Variants in SLC44A5 observed in about 807,000 individuals in gnomAD.
The protein encoded by SLC44A5 is choline transporter-like protein 5.
In SLC44A5, 57 loss-of-function variants were observed where a neutral mutation model predicts 101.8. The observed-to-expected ratio is 0.56, with a 90% CI of 0.45 to 0.70. SLC44A5 has a LOEUF of 0.70. Ranked by LOEUF, SLC44A5 falls within the 30% of genes least tolerant of loss-of-function variation. SLC44A5 has a pLI of 0.00. For synonymous variants in SLC44A5, 281 were observed against 290.9 expected, an observed-to-expected ratio of 0.97 and a Z score of 0.35; for missense variants, 737 against 853.1, an observed-to-expected ratio of 0.86 and a Z score of 1.70.
At chr1:75,354,458 C>T (rs1298872555) in intron 3 of SLC44A5, among the ~76,000 whole-genome samples, 1 of 152,210 alleles carries the variant, frequency 6.6e-6, no homozygotes, top group Non-Finnish European at 1.5e-5. Flanking sequence ...CCATATGTTT[C>T]TCATTCACTT....
intron 3 of SLC44A5, among the ~76,000 whole-genome samples, chr1:75,391,533 C>A (rs1249825): frequency 0.63 from 95,562 of 151,402 alleles, 31,772 homozygotes; most frequent in East Asian, 0.96. Flanking sequence ...CGTATAGACC[C>A]ATGGAATAGA....
rs1201412676 is a variant in SLC44A5, at chr1:75,392,004, A to G, written c.52+4579T>C. On this transcript the variant is annotated intron_variant, in intron 3 of 23. Coordinates refer to ENST00000370859, the MANE Select transcript of SLC44A5 (RefSeq NM_001130058.2). ...CCCCCATCTCTACAAAAAGCATAGA[A>G]ATTAGCCAGGCATCGTGGCACATAG... 2.0e-5 allele frequency among the ~76,000 whole-genome samples: 3 copies of G among 152,122 alleles called. No individual in the cohort carries two copies. The East Asian group carries it at 5.8e-4, about 29-fold the overall frequency.
intron 2 of SLC44A5, among the ~76,000 whole-genome samples, chr1:75,537,543 A>G (rs1671122217): frequency 6.6e-6 from 1 of 152,236 alleles, no homozygotes; most frequent in African/African-American, 2.4e-5. Flanking sequence ...TGTTTGATGC[A>G]TCTAAGAGAA....
At chr1:75,203,940 GTTT>G in intron 23 of SLC44A5, 107 bp from the exon 24 acceptor site, 1 of 1,079,470 alleles carries the variant, frequency 9.3e-7, no homozygotes, top group Non-Finnish European at 1.2e-6. Context: ...TCCTTTTGTT[GTTT>G]TTTTTTTGTT....
Position 75,215,760 on chromosome 1 carries a change from A to G in SLC44A5, c.1722T>C (p.Tyr574=), listed in dbSNP as rs1314014418. Residue 574 remains tyrosine, a synonymous_variant, in exon 19 of 24, where the codon TAT becomes TAC. Coordinates refer to ENST00000370859, the MANE Select transcript of SLC44A5 (RefSeq NM_001130058.2). Reference sequence around the variant, plus strand: ...AATAAAATAATCTACCTACCATAATATAGGCATTTCTGTTTAAAAACTTTA... The same window carrying G: ...AATAAAATAATCTACCTACCATAATGTAGGCATTTCTGTTTAAAAACTTTA... ...NAIKFLNRNA[Y]IMIAIYGRNF... is the part of the protein sequence containing the mutation. The G allele has an allele frequency of 1.3e-6, 2 of 1,573,142 alleles. No individual in the cohort carries two copies. The highest frequency in any genetic ancestry group is 8.7e-7 in the Non-Finnish European group (1 of 1,143,556).
chr1:75,386,472 G>T (rs2101305911), intron 3 of SLC44A5, among the ~76,000 whole-genome samples: 1 of 152,216 alleles, frequency 6.6e-6, no homozygotes, highest in East Asian at 1.9e-4. Context: ...GCTTCAAAGA[G>T]AATAAAATAC....
chr1:75,371,074 A>G (rs1219740920), intron 3 of SLC44A5, among the ~76,000 whole-genome samples: 33 of 152,168 alleles, frequency 2.2e-4, no homozygotes, highest in Admixed American at 2.2e-3. Context: ...TACAAAGCAA[A>G]TAAAGGGGCT....
At chr1:75,373,804 C>G (rs895460287) in intron 3 of SLC44A5, among the ~76,000 whole-genome samples, 20 of 152,144 alleles carry the variant, frequency 1.3e-4, no homozygotes, top group African/African-American at 4.8e-4. Context: ...TCCCCCAGCA[C>G]AGCTGGCACT....
At chr1:75,596,820 A>G (rs1024233327) in intron 1 of SLC44A5, among the ~76,000 whole-genome samples, 4 of 152,178 alleles carry the variant, frequency 2.6e-5, no homozygotes, top group Admixed American at 2.6e-4. Flanking sequence ...AGAGCCATAT[A>G]CAACAAACCC....
At chr1:75,619,078 A>AG in the SLC44A5 span, among the ~76,000 whole-genome samples, 4 of 10,182 alleles carry the variant, frequency 3.9e-4, no homozygotes, top group African/African-American at 5.5e-4. Context: ...CTCAAAAAAA[A>AG]AGGGGGGGGG....
chr1:75,603,753 G>T (rs201461267), intron 1 of SLC44A5, among the ~76,000 whole-genome samples: 475 of 54,052 alleles, frequency 8.8e-3, no homozygotes, highest in Middle Eastern at 0.021. Context: ...ATTTTTTCAT[G>T]TTTTTTTTTT....
intron 2 of SLC44A5, among the ~76,000 whole-genome samples, chr1:75,408,346 A>G (rs1477757609): frequency 6.6e-6 from 1 of 152,344 alleles, no homozygotes; most frequent in East Asian, 1.9e-4. Context: ...AATTTGACCC[A>G]GCAATCCTAT....
intron 12 of SLC44A5, among the ~76,000 whole-genome samples, chr1:75,231,523 T>TA (rs1261866941): frequency 6.6e-5 from 10 of 152,146 alleles, no homozygotes; most frequent in African/African-American, 2.2e-4. Flanking sequence ...CCTAGATTTT[T>TA]AAAAATTATG....
intron 2 of SLC44A5, among the ~76,000 whole-genome samples, chr1:75,411,699 G>C (rs1005171937): frequency 2.0e-5 from 3 of 152,080 alleles, no homozygotes; most frequent in Non-Finnish European, 2.9e-5. Flanking sequence ...AGGGATTGGG[G>C]ATAATGGTAA....
chr1:75,359,837 T>A (rs1315099382), intron 3 of SLC44A5, among the ~76,000 whole-genome samples: 3 of 152,190 alleles, frequency 2.0e-5, no homozygotes, highest in Admixed American at 2.0e-4. Context: ...ACACTTGTTA[T>A]CTTTCATATT....
chr1:75,532,940 T>C (rs1460971405), intron 2 of SLC44A5, among the ~76,000 whole-genome samples: 2 of 152,250 alleles, frequency 1.3e-5, no homozygotes, highest in East Asian at 1.9e-4. Context: ...CTATTATTGA[T>C]ATTTATCTTA....
intron 13 of SLC44A5, among the ~76,000 whole-genome samples, chr1:75,225,918 T>TG (rs1647184943): frequency 6.6e-6 from 1 of 151,924 alleles, no homozygotes; most frequent in African/African-American, 2.4e-5. Context: ...CAGCCGGGGG[T>TG]GGGCACAGAA....
intron 22 of SLC44A5, 130 bp downstream of exon 22, chr1:75,213,575 T>C: frequency 2.9e-6 from 2 of 681,016 alleles, no homozygotes; most frequent in South Asian, 3.7e-5. Context: ...AGAAATCAAG[T>C]TGGCTGACAC....
the SLC44A5 span, among the ~76,000 whole-genome samples, chr1:75,659,541 C>G: frequency 7.7e-6 from 1 of 130,510 alleles, no homozygotes; most frequent in African/African-American, 3.0e-5. Context: ...AAAACTAGGC[C>G]AGGCACTTTG....
Sources: gnomAD v4.1 joint callset for allele counts (sites outside exome capture counted in the v4.1 genomes callset) on GRCh38, gnomAD v4.1.1 for gene constraint, MANE v1.5 for transcripts, NCBI Gene and HGNC (gene_info 2026-07-23, HGNC 2026-07-21) for gene names.